RSRC1: variants seen among roughly 807,000 people sequenced by gnomAD.
RSRC1 encodes serine/Arginine-related protein 53.
A neutral mutation model predicts 49.1 loss-of-function variants in RSRC1; 39 were observed. The observed-to-expected ratio is 0.79, with a 90% CI of 0.61 to 1.04. The LOEUF is 1.04. RSRC1 is among the 50% of genes least tolerant of loss of function. The pLI, the probability that RSRC1 is intolerant of heterozygous loss-of-function variation, is 0.00. For synonymous variants in RSRC1, 143 were observed against 130.8 expected, an observed-to-expected ratio of 1.09 and a Z score of -0.63; for missense variants, 388 against 402.4, an observed-to-expected ratio of 0.96 and a Z score of 0.31.
rs368156261 is a variant in RSRC1 at position 158,128,214 on chromosome 3, C to A, written c.320+4223C>A. On this transcript the variant is annotated intron_variant, in intron 3 of 9. Coordinates refer to ENST00000611884, the MANE Select transcript of RSRC1 (RefSeq NM_001271838.2). ...CAGAAAAGTCAGAATGTTGGACTTA[C>A]ATTCCATGCTTCTCTTTTCCCCAGT... Among the ~76,000 whole-genome samples the A allele has an allele frequency of 1.4e-3, 215 of 152,324 alleles. 1 individual carries two copies. The highest frequency in any genetic ancestry group is 1.3e-3 in the Non-Finnish European group (90 of 68,036).
intron 4 of RSRC1, among the ~76,000 whole-genome samples, chr3:158,296,116 TTGAATC>T (rs1023394213): frequency 2.6e-4 from 40 of 152,216 alleles, no homozygotes; most frequent in African/African-American, 9.6e-4. Context: ...GACTTATACT[TTGAATC>T]TGATCATTTT....
intron 7 of RSRC1, chr3:158,496,833 C>T: frequency 4.7e-6 from 1 of 210,764 alleles, no homozygotes; most frequent in Non-Finnish European, 1.0e-5. Flanking sequence ...AGGGAAAACC[C>T]TATAAAGTCA....
chr3:158,266,018 C>T (rs771644031), intron 4 of RSRC1, among the ~76,000 whole-genome samples: 1 of 152,008 alleles, frequency 6.6e-6, no homozygotes, highest in Admixed American at 6.6e-5. Context: ...TATATGGGTC[C>T]TTTTCTGGTC....
At chr3:158,516,166 G>A (rs1053887793) in intron 7 of RSRC1, among the ~76,000 whole-genome samples, 2 of 152,218 alleles carry the variant, frequency 1.3e-5, no homozygotes, top group Admixed American at 6.5e-5. Context: ...TGGAGGAGGA[G>A]AGGTGCTCGC....
At chr3:158,280,651 T>C (rs1726090953) in intron 4 of RSRC1, among the ~76,000 whole-genome samples, 1 of 140,312 alleles carries the variant, frequency 7.1e-6, no homozygotes, top group Non-Finnish European at 1.5e-5. Context: ...TTTTTTTTTT[T>C]TTTTTTTTTT....
Position 158,298,025 on chromosome 3 carries a change from C to G in RSRC1, c.495-14C>G. 1.3e-6 allele frequency: 2 copies of G among 1,587,604 alleles called. No homozygotes were observed. The highest frequency in any genetic ancestry group is 1.7e-6 in the Non-Finnish European group (2 of 1,157,052). On this transcript the variant is annotated splice_polypyrimidine_tract_variant and intron_variant, in intron 4 of 9. Coordinates refer to ENST00000611884, the MANE Select transcript of RSRC1 (RefSeq NM_001271838.2). ...ATTTAGCAACTATTTAGAACTTTTA[C>G]TCTTCTATTTTAGGGAATCTGGAAA...
intron 7 of RSRC1, among the ~76,000 whole-genome samples, chr3:158,466,161 T>G (rs186057260): frequency 1.1e-3 from 161 of 152,328 alleles, no homozygotes; most frequent in Non-Finnish European, 1.6e-3. Flanking sequence ...TGTTAATTCA[T>G]TTTTAACTTT....
At chr3:158,527,105 G>C (rs1413375621) in intron 7 of RSRC1, among the ~76,000 whole-genome samples, 9 of 109,490 alleles carry the variant, frequency 8.2e-5, no homozygotes, top group African/African-American at 1.5e-4. Context: ...TTTTTTACTG[G>C]TAGAAGACTT....
chr3:158,354,887 C>T lies in RSRC1; in HGVS notation c.562C>T (p.Gln188Ter). 4 of 1,543,146 alleles carry T rather than the reference C, an allele frequency of 2.6e-6. No homozygotes were observed. The highest frequency in any genetic ancestry group is 1.2e-5 in the South Asian group (1 of 80,306). Residue 188 changes from glutamine (Q) to a stop codon, truncating the protein, a stop_gained, in exon 6 of 10, where the codon CAG (glutamine) becomes TAG (stop). Coordinates refer to ENST00000611884, the MANE Select transcript of RSRC1 (RefSeq NM_001271838.2). LOFTEE classifies it high-confidence loss of function. ...AGCTGAACAGGCCAAAGCCAGACTA[C>T]AGCTGGTTCTTGAAGCTGCTGGTAA... ...PPAEQAKARL[Q>*]LVLEAAAKAD...
At chr3:158,130,535 CTT>C (rs1162349385) in intron 3 of RSRC1, among the ~76,000 whole-genome samples, 1 of 152,066 alleles carries the variant, frequency 6.6e-6, no homozygotes, top group Non-Finnish European at 1.5e-5. Context: ...AATGAGATAT[CTT>C]GGGGATAACA....
intron 7 of RSRC1, among the ~76,000 whole-genome samples, chr3:158,496,297 T>G (rs559937842): frequency 1.3e-5 from 2 of 152,254 alleles, no homozygotes; most frequent in South Asian, 4.1e-4. Flanking sequence ...TTTTCAAGCT[T>G]TAGTGTGCCT....
rs919531679 is a variant in RSRC1, at chr3:158,445,645, TAAC to T, written c.584-15274_584-15272del. 6.6e-5 allele frequency among the ~76,000 whole-genome samples: 10 copies of T among 151,774 alleles called. No homozygotes were observed. In the South Asian group the frequency reaches 8.3e-4, roughly 13 times the overall value. ...TTGTGCACATGTACCCTCGAACTTA[TAAC>T]AACAACAACAACAACGAAAAAAACG... On this transcript the variant is annotated intron_variant, in intron 6 of 9. Coordinates refer to ENST00000611884, the MANE Select transcript of RSRC1 (RefSeq NM_001271838.2).
At chr3:158,113,391 C>T (rs1474946048) in intron 1 of RSRC1, among the ~76,000 whole-genome samples, 2 of 136,440 alleles carry the variant, frequency 1.5e-5, no homozygotes, top group African/African-American at 2.8e-5. Context: ...TTTTTTGAGA[C>T]GGGAGTCTCA....
intron 3 of RSRC1, among the ~76,000 whole-genome samples, chr3:158,192,125 A>T (rs1362781365): frequency 6.6e-6 from 1 of 151,994 alleles, no homozygotes; most frequent in Non-Finnish European, 1.5e-5. Context: ...CATGATTAAG[A>T]GGCATACAGT....
intron 5 of RSRC1, among the ~76,000 whole-genome samples, chr3:158,322,522 A>G (rs1728819889): frequency 1.3e-5 from 2 of 152,056 alleles, no homozygotes; most frequent in African/African-American, 2.4e-5. Context: ...TGCTCTTAAG[A>G]TTTTCTCTTT....
chr3:158,452,609 G>A (rs552623981), intron 6 of RSRC1, among the ~76,000 whole-genome samples: 63 of 152,112 alleles, frequency 4.1e-4, no homozygotes, highest in Non-Finnish European at 7.4e-4. Context: ...TAGTGTCTTG[G>A]TCATTGTCTT....
At chr3:158,115,352 G>A (rs1435246650) in intron 1 of RSRC1, among the ~76,000 whole-genome samples, 1 of 150,674 alleles carries the variant, frequency 6.6e-6, no homozygotes, top group Non-Finnish European at 1.5e-5. Context: ...CTTTTTTTCT[G>A]CTTGTTTGTG....
chr3:158,200,832 A>G lies in RSRC1; in HGVS notation c.321-2240A>G, dbSNP rs1487076832. On this transcript the variant is annotated intron_variant, in intron 3 of 9. Coordinates refer to ENST00000611884, the MANE Select transcript of RSRC1 (RefSeq NM_001271838.2). ...TATTTGTATTATGTCTACTTTCAGT[A>G]TAAACCTTAGAGTAAAATGCTATTA... is the stretch of plus-strand genomic sequence containing the variant. 5.9e-5 allele frequency among the ~76,000 whole-genome samples: 9 copies of G among 152,272 alleles called. No individual in the cohort carries two copies. In the East Asian group the frequency reaches 1.7e-3, roughly 29 times the overall value.
intron 4 of RSRC1, among the ~76,000 whole-genome samples, chr3:158,223,748 A>G (rs924794604): frequency 6.6e-6 from 1 of 151,690 alleles, no homozygotes; most frequent in Admixed American, 6.6e-5. Flanking sequence ...TTAAAGTACC[A>G]CAGGCTCATG....
Sources: allele counts gnomAD v4.1 joint callset (sites outside exome capture counted in the v4.1 genomes callset), GRCh38; gene constraint gnomAD v4.1.1; transcripts MANE v1.5; gene names NCBI Gene and HGNC (gene_info 2026-07-23, HGNC 2026-07-21).